ABCA12: variants seen among roughly 807,000 people sequenced by gnomAD.
The protein encoded by ABCA12 is ATP binding cassette subfamily A member 12.
A neutral mutation model predicts 293.5 loss-of-function variants in ABCA12; 156 were observed. That is an observed-to-expected ratio of 0.53 (90% confidence interval 0.47 to 0.61). The LOEUF is 0.61. ABCA12 is among the 20% of genes least tolerant of loss of function. ABCA12 has a pLI of 0.00. For synonymous variants in ABCA12, 1,063 were observed against 1,108.0 expected (o/e 0.96, Z 0.81); for missense variants, 2,797 against 3,090.2 (o/e 0.91, Z 2.25).
chr2:215,103,958 G>T (rs538720628), intron 2 of ABCA12, among the ~76,000 whole-genome samples: 1 of 151,958 alleles, frequency 6.6e-6, no homozygotes, highest in East Asian at 1.9e-4. Context: ...CTGCACTCCA[G>T]CCTGGGCAAC....
intron 2 of ABCA12, among the ~76,000 whole-genome samples, chr2:215,077,206 G>A (rs1208072934): frequency 6.6e-6 from 1 of 152,086 alleles, no homozygotes. Context: ...ATACATGAAG[G>A]TCTGTTATTT....
intron 2 of ABCA12, among the ~76,000 whole-genome samples, chr2:215,078,603 A>G (rs1701878438): frequency 6.6e-6 from 1 of 152,202 alleles, no homozygotes. Flanking sequence ...CCCACAATGG[A>G]GAATCATTAC....
intron 26 of ABCA12, 119 bp downstream of exon 26, chr2:214,989,210 A>AGATATATATATATAT: frequency 6.7e-6 from 1 of 148,418 alleles, no homozygotes; most frequent in Non-Finnish European, 1.4e-5. Flanking sequence ...ATATATATAT[A>AGATATATATATATAT]ATATTTTTAT....
In ABCA12 at chr2:215,046,071, A is replaced by G. The variant is rs1575007683; in HGVS notation, c.694-56T>C. 4 of 1,562,154 alleles carry G rather than the reference A, an allele frequency of 2.6e-6. No homozygotes were observed. The East Asian group carries it at 9.0e-5, about 35-fold the overall frequency. On this transcript the variant is annotated intron_variant, in intron 6 of 52. Transcript: ENST00000272895. ...ATGAGACTTTAACATTTGTAATCAC[A>G]TGGTTTGCTGTTTTTAAAAGCATCA...
chr2:214,997,197 T>A (rs942957995), intron 23 of ABCA12, among the ~76,000 whole-genome samples: 15 of 152,084 alleles, frequency 9.9e-5, no homozygotes, highest in Non-Finnish European at 1.8e-4. Context: ...CAGGAGTCAG[T>A]GGGAAATGGA....
chr2:214,932,666 C>CACTT lies in ABCA12; in HGVS notation c.7752_7755dup (p.Val2586LysfsTer3), dbSNP rs780412339. The CACTT allele has an allele frequency of 5.0e-6, 8 of 1,613,382 alleles. No homozygotes were observed. Among genetic ancestry groups the CACTT allele is most frequent in the African/African-American group, 4.0e-5 (3 of 74,896 alleles). ...TCCATCTGGTCATCTTGTGAGTCAA[C>CACTT]ACTTATAGTGGAACCTTGGCTGCTG... is the stretch of plus-strand genomic sequence containing the variant. On this transcript the variant is annotated frameshift_variant, in exon 53 of 53. Coordinates refer to ENST00000272895, the MANE Select transcript of ABCA12 (RefSeq NM_173076.3). LOFTEE classifies it high-confidence loss of function.
At position 215,019,629 on chromosome 2, in the gene ABCA12, G is replaced by A. The variant is rs775668709; in HGVS notation, c.1455C>T (p.Ala485=). 1.9e-6 allele frequency: 3 copies of A among 1,614,010 alleles called. No individual in the cohort carries two copies. The highest frequency in any genetic ancestry group is 2.5e-6 in the Non-Finnish European group (3 of 1,180,044). ...TGACATTGTCATGGTACAGTAAGCTGGCTGCTATTTCGGTGCCCAGCTCTG... is the reference window on the plus strand; with the variant it reads ...TGACATTGTCATGGTACAGTAAGCTAGCTGCTATTTCGGTGCCCAGCTCTG... ...EAAELGTEIA[A]SLLYHDNVIS... Residue 485 remains alanine, a synonymous_variant, in exon 12 of 53, where the codon GCC becomes GCT. Coordinates refer to ENST00000272895, the MANE Select transcript of ABCA12 (RefSeq NM_173076.3).
intron 2 of ABCA12, among the ~76,000 whole-genome samples, chr2:215,100,528 A>T (rs1431210554): frequency 2.6e-5 from 4 of 152,168 alleles, no homozygotes; most frequent in African/African-American, 9.7e-5. Flanking sequence ...ACATGTCACT[A>T]TTAATCAATG....
rs375937920 is a variant in ABCA12, at chr2:215,011,167, G to A, written c.2332+272C>T. 1.7e-3 allele frequency among the ~76,000 whole-genome samples: 262 copies of A among 152,276 alleles called. 1 individual carries two copies. The highest frequency in any genetic ancestry group is 5.9e-3 in the African/African-American group (247 of 41,558). ...TGTAGTTAAGAGGATAGTCTTTGTAGCAGAGTACCTGGGTTCAAATGACAG... is the reference window on the plus strand; with the variant it reads ...TGTAGTTAAGAGGATAGTCTTTGTAACAGAGTACCTGGGTTCAAATGACAG... On this transcript the variant is annotated intron_variant, in intron 17 of 52. Coordinates refer to ENST00000272895, the MANE Select transcript of ABCA12 (RefSeq NM_173076.3).
intron 10 of ABCA12, among the ~76,000 whole-genome samples, chr2:215,026,569 C>A (rs1700749615): frequency 6.6e-6 from 1 of 152,152 alleles, no homozygotes; most frequent in Admixed American, 6.5e-5. Flanking sequence ...ATCATATTAT[C>A]CATTATATGG....
chr2:215,049,087 A>G (rs1301387979), intron 6 of ABCA12, among the ~76,000 whole-genome samples: 1 of 152,184 alleles, frequency 6.6e-6, no homozygotes, highest in African/African-American at 2.4e-5. Flanking sequence ...AGAATAATCT[A>G]GACAACAAAC....
chr2:214,977,935 A>G (rs1699557773), intron 33 of ABCA12, among the ~76,000 whole-genome samples: 1 of 149,250 alleles, frequency 6.7e-6, no homozygotes, highest in South Asian at 2.1e-4. Flanking sequence ...AACATGTCTA[A>G]TAACAAGGAG....
chr2:215,048,261 T>C (rs1701243283), intron 6 of ABCA12, among the ~76,000 whole-genome samples: 1 of 152,160 alleles, frequency 6.6e-6, no homozygotes, highest in Non-Finnish European at 1.5e-5. Context: ...AGTGTGGTGA[T>C]TCCTCAAAGA....
At chr2:215,002,235 G>A (rs1271045025) in intron 20 of ABCA12, among the ~76,000 whole-genome samples, 2 of 152,094 alleles carry the variant, frequency 1.3e-5, no homozygotes, top group African/African-American at 4.8e-5. Context: ...TAAGATACCT[G>A]AAAATATATG....
rs2091093 is a variant in ABCA12, at chr2:215,093,971, A to T, written c.163+17626T>A. Among the ~76,000 whole-genome samples the T allele has an allele frequency of 1.8e-4, 28 of 152,290 alleles. 1 individual carries two copies. The South Asian group carries it at 4.8e-3, about 26-fold the overall frequency. On this transcript the variant is annotated intron_variant, in intron 2 of 52. Transcript: ENST00000272895. ...TGATGGCAGTTCCACCAGGCCTAAT[A>T]GCTACTCACCAGCAAAGGCAGGCTA...
intron 3 of ABCA12, among the ~76,000 whole-genome samples, chr2:215,060,385 A>G (rs1701505644): frequency 6.6e-6 from 1 of 152,046 alleles, no homozygotes. Flanking sequence ...ACATTCTTCT[A>G]CTTTGTTTTT....
chr2:215,086,288 G>C (rs986310831), intron 2 of ABCA12, among the ~76,000 whole-genome samples: 1 of 152,166 alleles, frequency 6.6e-6, no homozygotes, highest in Non-Finnish European at 1.5e-5. Context: ...ACAATCCAGA[G>C]GCTGTTAGTT....
intron 6 of ABCA12, among the ~76,000 whole-genome samples, 156 bp from the exon 7 acceptor site, chr2:215,046,171 C>G (rs1701198445): frequency 6.6e-6 from 1 of 152,062 alleles, no homozygotes; most frequent in African/African-American, 2.4e-5. Context: ...TTTGGAAAAC[C>G]AGCAACTACT....
chr2:215,047,949 A>G (rs1701235377), intron 6 of ABCA12, among the ~76,000 whole-genome samples: 1 of 150,976 alleles, frequency 6.6e-6, no homozygotes. Context: ...TCCAACATCT[A>G]TAAGGAAGTT....
Sources: gnomAD v4.1 joint callset for allele counts (sites outside exome capture counted in the v4.1 genomes callset) on GRCh38, gnomAD v4.1.1 for gene constraint, MANE v1.5 for transcripts, NCBI Gene and HGNC (gene_info 2026-07-23, HGNC 2026-07-21) for gene names.